KANK4: variants seen among roughly 807,000 people sequenced by gnomAD.
KANK4 encodes KN motif and ankyrin repeat domains 4.
Under a neutral mutation model 80.8 loss-of-function variants are expected in KANK4, and 50 were observed. The ratio of observed to expected loss-of-function variants is 0.62; its 90% CI spans 0.49 to 0.78. The LOEUF is 0.78. KANK4 is among the 30% of genes least tolerant of loss of function. KANK4 has a pLI of 0.00. For synonymous variants in KANK4, 465 were observed against 506.9 expected, an observed-to-expected ratio of 0.92 and a Z score of 1.11; for missense variants, 1,196 against 1,240.1, an observed-to-expected ratio of 0.96 and a Z score of 0.53.
chr1:62,299,761 G>A (rs925302856), intron 1 of KANK4, among the ~76,000 whole-genome samples: 1 of 150,758 alleles, frequency 6.6e-6, no homozygotes, highest in Admixed American at 6.6e-5. Flanking sequence ...CATATTTTGA[G>A]GGTAGCAAAT....
intron 9 of KANK4, among the ~76,000 whole-genome samples, chr1:62,240,543 T>A (rs892124845): frequency 9.2e-5 from 14 of 152,104 alleles, no homozygotes; most frequent in African/African-American, 3.4e-4. Context: ...GTGGCACATG[T>A]CTGTAACCCC....
intron 9 of KANK4, among the ~76,000 whole-genome samples, chr1:62,242,317 G>A (rs1300200042): frequency 1.5e-5 from 2 of 131,470 alleles, no homozygotes; most frequent in Non-Finnish European, 3.1e-5. Flanking sequence ...AGCCATGATC[G>A]TGCCACTGCA....
chr1:62,250,160 G>C (rs1010909701), intron 8 of KANK4, among the ~76,000 whole-genome samples: 5 of 151,768 alleles, frequency 3.3e-5, no homozygotes, highest in African/African-American at 9.7e-5. Context: ...GCTATTTTTT[G>C]TATTTTTAGT....
intron 1 of KANK4, among the ~76,000 whole-genome samples, chr1:62,311,406 GC>G (rs1186854492): frequency 6.6e-6 from 1 of 151,582 alleles, no homozygotes; most frequent in Admixed American, 6.6e-5. Context: ...ATAAAAGGTA[GC>G]AAAAAAAAAC....
intron 3 of KANK4, chr1:62,272,096 C>A (rs757753450): frequency 6.5e-6 from 1 of 153,006 alleles, no homozygotes. Context: ...GGACAGGAGG[C>A]GGCTCCCAAC....
chr1:62,294,380 CA>C (rs1476794066), intron 1 of KANK4, among the ~76,000 whole-genome samples: 2 of 152,218 alleles, frequency 1.3e-5, no homozygotes, highest in Admixed American at 6.5e-5. Flanking sequence ...AAATACTCCA[CA>C]GGGGGGCACC....
chr1:62,291,453 AT>A (rs1262116993), intron 1 of KANK4, among the ~76,000 whole-genome samples: 54 of 152,002 alleles, frequency 3.6e-4, no homozygotes, highest in Non-Finnish European at 2.8e-4. Flanking sequence ...TAATTAATTA[AT>A]TTTTTTAGAT....
chr1:62,312,251 A>C (rs1254054698), intron 1 of KANK4, among the ~76,000 whole-genome samples: 2 of 152,226 alleles, frequency 1.3e-5, no homozygotes, highest in African/African-American at 4.8e-5. Flanking sequence ...GGACATAAAT[A>C]ATATTTCAAG....
intron 1 of KANK4, chr1:62,298,013 G>A (rs547195307): frequency 5.6e-4 from 85 of 152,322 alleles, no homozygotes; most frequent in African/African-American, 2.0e-3. Flanking sequence ...GGCAGGAGGA[G>A]GGTGGAATGG....
In KANK4 at chr1:62,294,495, G is replaced by T. The variant is rs369508287; in HGVS notation, c.-70-12861C>A. On this transcript the variant is annotated intron_variant, in intron 1 of 9. Transcript: ENST00000371153. ...GCATCAGCTGGGTGCCACAGCTCGA[G>T]TTGCAGGTGCAGACAGTTTAGAGCT... 2.6e-5 allele frequency among the ~76,000 whole-genome samples: 4 copies of T among 152,368 alleles called. No individual in the cohort carries two copies. The East Asian group carries it at 5.8e-4, about 22-fold the overall frequency.
At position 62,273,897 on chromosome 1, in the gene KANK4, C is replaced by CCCCAA; in HGVS notation, c.1206_1207insTTGGG (p.Ala403LeufsTer12). Reference sequence around the variant, plus strand: ...TCCGTCTGGCCCTGAGTGTCTTTGGCGTTCTCTTGGTGAAACTGTCCTTCC... The same window carrying CCCCAA: ...TCCGTCTGGCCCTGAGTGTCTTTGGCCCCAAGTTCTCTTGGTGAAACTGTCCTTCC... On this transcript the variant is annotated frameshift_variant, in exon 3 of 10. Transcript: ENST00000371153. LOFTEE classifies it high-confidence loss of function. The CCCCAA allele has an allele frequency of 6.2e-7, 1 of 1,614,176 alleles. No homozygotes were observed. Among genetic ancestry groups the CCCCAA allele is most frequent in the South Asian group, 1.1e-5 (1 of 91,084 alleles).
intron 4 of KANK4, among the ~76,000 whole-genome samples, chr1:62,270,668 G>A (rs1233195444): frequency 6.6e-6 from 1 of 152,056 alleles, no homozygotes; most frequent in Non-Finnish European, 1.5e-5. Flanking sequence ...ACAGGCATGA[G>A]CCACAGCGAC....
intron 2 of KANK4, among the ~76,000 whole-genome samples, chr1:62,277,072 C>T (rs1672331814): frequency 6.6e-6 from 1 of 152,190 alleles, no homozygotes; most frequent in Non-Finnish European, 1.5e-5. Flanking sequence ...AAGCTAGACC[C>T]TAAGGACACC....
intron 4 of KANK4, among the ~76,000 whole-genome samples, chr1:62,269,739 T>C (rs1227847111): frequency 1.3e-5 from 2 of 151,968 alleles, no homozygotes; most frequent in Admixed American, 6.6e-5. Flanking sequence ...AAAATGAACA[T>C]GTAAACAAAT....
chr1:62,304,852 G>A (rs1276726631), intron 1 of KANK4, among the ~76,000 whole-genome samples: 1 of 152,078 alleles, frequency 6.6e-6, no homozygotes, highest in Admixed American at 6.5e-5. Flanking sequence ...TGCTGTGTGA[G>A]TTTAAGGCAT....
rs1671668506 is a variant in KANK4 at position 62,253,297 on chromosome 1, C to T, written c.2540-88G>A. ...AGCCGTTTCAATGGGACACTGCTCGCTGGTTAGAAAGCCATGGACTAGAGC... is the reference window on the plus strand; with the variant it reads ...AGCCGTTTCAATGGGACACTGCTCGTTGGTTAGAAAGCCATGGACTAGAGC... On this transcript the variant is annotated intron_variant, in intron 7 of 9. Transcript: ENST00000371153. The T allele has an allele frequency of 1.5e-5, 20 of 1,317,726 alleles. No homozygotes were observed. The South Asian group carries it at 3.2e-4, about 21-fold the overall frequency. 81.6% of individuals were successfully genotyped at this position (1,317,726 alleles called of 1,614,324 possible). A position where few individuals can be genotyped will look rare whatever the true frequency, so the allele number is the denominator to read the frequency against.
At chr1:62,259,057 C>G (rs1281692959) in intron 7 of KANK4, among the ~76,000 whole-genome samples, 1 of 151,976 alleles carries the variant, frequency 6.6e-6, no homozygotes, top group Non-Finnish European at 1.5e-5. Context: ...CAGGTGGGGT[C>G]CTGAAGGCCA....
intron 1 of KANK4, among the ~76,000 whole-genome samples, 187 bp downstream of exon 1, chr1:62,318,919 G>A (rs1318642368): frequency 6.6e-6 from 1 of 152,194 alleles, no homozygotes; most frequent in Non-Finnish European, 1.5e-5. Context: ...GCGCCAGGTC[G>A]GCCCAAGCTG....
intron 1 of KANK4, among the ~76,000 whole-genome samples, chr1:62,307,183 A>G (rs1027422787): frequency 3.3e-5 from 5 of 152,048 alleles, no homozygotes; most frequent in African/African-American, 9.6e-5. Context: ...TCAACCCACA[A>G]TCAAAATTTT....
Sources: gnomAD v4.1 joint callset for allele counts (sites outside exome capture counted in the v4.1 genomes callset) on GRCh38, gnomAD v4.1.1 for gene constraint, MANE v1.5 for transcripts, NCBI Gene and HGNC (gene_info 2026-07-23, HGNC 2026-07-21) for gene names.